Variants in ASAP3 observed in about 807,000 individuals in gnomAD.
ASAP3 encodes the protein ArfGAP with SH3 domain, ankyrin repeat and PH domain 3.
ASAP3 carries 85 observed loss-of-function variants against 118.2 expected under a neutral mutation model. That is an observed-to-expected ratio of 0.72 (90% CI 0.60 to 0.86). The LOEUF (loss-of-function observed/expected upper bound fraction) is 0.86. Among genes scored for constraint, ASAP3 ranks in the 40% least tolerant of loss-of-function variants. The pLI is 0.00. For synonymous variants in ASAP3, 432 were observed against 477.4 expected, an observed-to-expected ratio of 0.90 and a Z score of 1.24; for missense variants, 1,026 against 1,175.0, an observed-to-expected ratio of 0.87 and a Z score of 1.85.
In ASAP3 at chr1:23,436,113, C is replaced by G; in HGVS notation, c.1572-85G>C. 1 of 1,446,774 alleles carries G rather than the reference C, an allele frequency of 6.9e-7. No individual in the cohort carries two copies. 89.6% of individuals were successfully genotyped at this position (1,446,774 alleles called of 1,614,324 possible). Reference sequence around the variant, plus strand: ...GGGCCCTCCCACAGGAGATACAGCTCTCTTTTTCTCCAGAACCATGTCCTG... The same window carrying G: ...GGGCCCTCCCACAGGAGATACAGCTGTCTTTTTCTCCAGAACCATGTCCTG... On this transcript the variant is annotated intron_variant, in intron 16 of 24. Coordinates refer to ENST00000336689, the MANE Select transcript of ASAP3 (RefSeq NM_017707.4). This position sits in a 1 kb window ranked among gnomAD's most constrained non-coding sequence, Gnocchi z 4.2.
At chr1:23,463,788 C>T (rs1233667159) in intron 1 of ASAP3, among the ~76,000 whole-genome samples, 7 of 151,524 alleles carry the variant, frequency 4.6e-5, no homozygotes, top group African/African-American at 7.3e-5. Context: ...TTAGTAGAGA[C>T]GGGGTTTCAC....
chr1:23,471,218 C>T (rs563637119), intron 1 of ASAP3, among the ~76,000 whole-genome samples: 1 of 152,312 alleles, frequency 6.6e-6, no homozygotes, highest in East Asian at 1.9e-4. Flanking sequence ...TCATGCTGCT[C>T]CCTCTGCCTG....
In ASAP3 at chr1:23,432,004, A is replaced by AT. The variant is rs757118739; in HGVS notation, c.2324-87dup. On this transcript the variant is annotated intron_variant, in intron 22 of 24. Coordinates refer to ENST00000336689, the MANE Select transcript of ASAP3 (RefSeq NM_017707.4). ...CTCAAAGCAGTCTCTGGCCTCTAGG[A>AT]TTTTTTTTTTTTTTTTTTTTGAGAC... is the stretch of plus-strand genomic sequence containing the variant. The AT allele has an allele frequency of 7.0e-3, 4,325 of 622,044 alleles. 4 individuals carry two copies. Among genetic ancestry groups the AT allele is most frequent in the African/African-American group, 0.022 (783 of 35,716 alleles). The allele number at this position is 622,044 out of a possible 1,614,324, so 38.5% of individuals were successfully genotyped here.
intron 17 of ASAP3, 113 bp downstream of exon 17, chr1:23,435,738 G>T: frequency 8.2e-7 from 1 of 1,224,620 alleles, no homozygotes; most frequent in Non-Finnish European, 1.2e-6. Flanking sequence ...TGATGGGTGA[G>T]ATCTGAGCAG....
At chr1:23,474,383 C>T (rs970870251) in intron 1 of ASAP3, among the ~76,000 whole-genome samples, 6 of 152,068 alleles carry the variant, frequency 3.9e-5, no homozygotes, top group East Asian at 3.9e-4. Flanking sequence ...CCCTTCTCCT[C>T]GGAACACTTC....
Position 23,452,744 on chromosome 1 carries a change from A to T in ASAP3, c.376T>A (p.Phe126Ile). ...LIQNLNNIVS[F>I]PLDSLMKGQL... ...CCCTTCATCAGACTGTCCAGGGGGA[A>T]AGAGACAATGTTGTTCAAGTTCTGA... is the stretch of plus-strand genomic sequence containing the variant. Residue 126 changes from phenylalanine (F) to isoleucine (I), a missense_variant, in exon 4 of 25, where the codon TTC (phenylalanine) becomes ATC (isoleucine). By Grantham distance (21) the Phe-to-Ile change is conservative (BLOSUM62 0). Coordinates refer to ENST00000336689, the MANE Select transcript of ASAP3 (RefSeq NM_017707.4). The T allele has an allele frequency of 6.2e-7, 1 of 1,613,966 alleles. No individual in the cohort carries two copies. The highest frequency in any genetic ancestry group is 8.5e-7 in the Non-Finnish European group (1 of 1,180,014).
At chr1:23,482,646 C>T (rs1244506846) in intron 1 of ASAP3, among the ~76,000 whole-genome samples, 1 of 152,072 alleles carries the variant, frequency 6.6e-6, no homozygotes, top group African/African-American at 2.4e-5. Context: ...GCAGAGCCAG[C>T]GTTTGAAAAA....
chr1:23,444,456 CA>C (rs1020355350), intron 5 of ASAP3, among the ~76,000 whole-genome samples: 16 of 152,238 alleles, frequency 1.1e-4, no homozygotes, highest in African/African-American at 3.9e-4. Context: ...GCAGAGAAGA[CA>C]AAGACAGAGT....
chr1:23,442,118 C>T, intron 7 of ASAP3, 68 bp downstream of exon 7: 1 of 1,486,350 alleles, frequency 6.7e-7, no homozygotes, highest in African/African-American at 1.4e-5. Context: ...AGGTCTATCA[C>T]ACCTTGAGAG....
chr1:23,457,169 C>T (rs1641415895), intron 1 of ASAP3, among the ~76,000 whole-genome samples: 1 of 152,110 alleles, frequency 6.6e-6, no homozygotes, highest in African/African-American at 2.4e-5. Flanking sequence ...CCGAGAGACA[C>T]ATGGTGGGGA....
At chr1:23,442,149 G>T in intron 7 of ASAP3, 37 bp downstream of exon 7, 1 of 1,563,966 alleles carries the variant, frequency 6.4e-7, no homozygotes. Context: ...CTGTGACACT[G>T]GAAGGGTTAG....
chr1:23,451,570 A>G (rs1192895025), intron 4 of ASAP3, 42 bp from the exon 5 acceptor site: 1 of 1,596,738 alleles, frequency 6.3e-7, no homozygotes. Context: ...GGGAAGCTGG[A>G]GCACTGGAAT....
At chr1:23,459,762 G>A (rs1179713657) in intron 1 of ASAP3, among the ~76,000 whole-genome samples, 1 of 152,208 alleles carries the variant, frequency 6.6e-6, no homozygotes, top group African/African-American at 2.4e-5. Context: ...TGTCTTTGGT[G>A]AAATTCCATG....
chr1:23,438,044 C>T lies in ASAP3; in HGVS notation c.1103-572G>A, dbSNP rs1640739149. Among the ~76,000 whole-genome samples, 1 of 152,152 alleles carries T rather than the reference C, an allele frequency of 6.6e-6. No homozygotes were observed. On this transcript the variant is annotated intron_variant, in intron 12 of 24. Coordinates refer to ENST00000336689, the MANE Select transcript of ASAP3 (RefSeq NM_017707.4). The surrounding 1 kb of genome is among the most constrained non-coding windows in gnomAD (Gnocchi z 4.9). ...CTGCTACATGAACCCTCCACTCTGG[C>T]CAAACCGGCCAGACCCACTCTCCTG... is the stretch of plus-strand genomic sequence containing the variant.
intron 1 of ASAP3, among the ~76,000 whole-genome samples, chr1:23,461,951 C>A (rs763814626): frequency 6.6e-6 from 1 of 152,114 alleles, no homozygotes; most frequent in Non-Finnish European, 1.5e-5. Context: ...GGGTATTCTG[C>A]CACTTGTGGC....
chr1:23,434,492 G>C (rs761809131), intron 18 of ASAP3, 41 bp downstream of exon 18: 1 of 1,608,062 alleles, frequency 6.2e-7, no homozygotes, highest in Non-Finnish European at 8.5e-7. Flanking sequence ...GAAAGGAGAG[G>C]GAGTGTGAGG....
At chr1:23,451,447 C>T in intron 5 of ASAP3, 32 bp downstream of exon 5, 1 of 1,609,162 alleles carries the variant, frequency 6.2e-7, no homozygotes, top group East Asian at 2.2e-5. Context: ...TGCTACTCTC[C>T]CAGACAAACG....
intron 22 of ASAP3, among the ~76,000 whole-genome samples, chr1:23,432,272 G>T (rs1640466740): frequency 6.6e-6 from 1 of 152,130 alleles, no homozygotes; most frequent in Admixed American, 6.5e-5. Flanking sequence ...CTCCCAAAGT[G>T]CAGAGATTAC....
intron 10 of ASAP3, 21 bp downstream of exon 10, chr1:23,441,081 T>C (rs764458812): frequency 3.7e-5 from 59 of 1,606,838 alleles, no homozygotes; most frequent in Non-Finnish European, 4.9e-5. Context: ...GGGCAAATTA[T>C]GTAAGCTCTG....
Sources: gnomAD v4.1 joint callset for allele counts (sites outside exome capture counted in the v4.1 genomes callset) on GRCh38, gnomAD v4.1.1 for gene constraint, Gnocchi (gnomAD v3.1) non-coding constraint, MANE v1.5 for transcripts, NCBI Gene and HGNC (gene_info 2026-07-23, HGNC 2026-07-21) for gene names.